STPG2: variants seen among roughly 807,000 people sequenced by gnomAD.
The protein encoded by STPG2 is sperm tail PG-rich repeat containing 2, also known as sperm-tail PG-rich repeat-containing protein 2.
STPG2 carries 56 observed loss-of-function variants against 54.2 expected under a neutral mutation model. That is an observed-to-expected ratio of 1.03 (90% confidence interval 0.83 to 1.29). STPG2 has a LOEUF of 1.29. Ranked by LOEUF, STPG2 falls within the 50% of genes most tolerant of loss-of-function variation. The pLI is 0.00. For missense variants in STPG2, 596 were observed against 544.9 expected (o/e 1.09, Z -0.93); for synonymous variants, 200 against 181.8 (o/e 1.10, Z -0.81).
chr4:97,648,635 T>G (rs932148787), intron 10 of STPG2, among the ~76,000 whole-genome samples: 3 of 152,132 alleles, frequency 2.0e-5, no homozygotes, highest in Non-Finnish European at 2.9e-5. Context: ...TTTTTAGTGA[T>G]CATGGACACA....
intron 10 of STPG2, among the ~76,000 whole-genome samples, chr4:97,689,415 C>A (rs1473319390): frequency 6.6e-6 from 1 of 152,012 alleles, no homozygotes; most frequent in African/African-American, 2.4e-5. Flanking sequence ...CTCTCTTACT[C>A]TCTCTTAACA....
chr4:97,699,843 A>AC (rs1723707215), intron 10 of STPG2, among the ~76,000 whole-genome samples: 1 of 152,126 alleles, frequency 6.6e-6, no homozygotes, highest in Non-Finnish European at 1.5e-5. Context: ...ATCAGTGGAG[A>AC]CCATGGGCAT....
At position 97,537,049 on chromosome 4, in the gene STPG2, T is replaced by G. The variant is rs78306253; in HGVS notation, c.462+175650A>C. 9.8e-4 allele frequency among the ~76,000 whole-genome samples: 149 copies of G among 152,272 alleles called. 3 individuals carry two copies. The East Asian group carries it at 0.027, about 28-fold the overall frequency. ...TTCCAGGTTTAGAATTCTCTATTAA[T>G]AAAGACCATTAGGGCAGTTCCAAGA... On this transcript the variant is annotated intron_variant, in intron 4 of 4. Transcript: ENST00000522676.
At position 97,559,030 on chromosome 4, in the gene STPG2, T is replaced by G. The variant is rs1281525201; in HGVS notation, c.*28A>C. The G allele has an allele frequency of 1.9e-6, 3 of 1,553,152 alleles. No individual in the cohort carries two copies. The highest frequency in any genetic ancestry group is 1.8e-6 in the Non-Finnish European group (2 of 1,140,984). On this transcript the variant is annotated 3_prime_UTR_variant, in exon 11 of 11. Transcript: ENST00000295268. ...AAATAAACTGACTTCCATGAAGTTG[T>G]TTTTTAAGTTTTTGCCATAAATTTA...
chr4:97,764,396 G>C (rs1273245062), intron 9 of STPG2, among the ~76,000 whole-genome samples: 2 of 152,028 alleles, frequency 1.3e-5, no homozygotes, highest in Non-Finnish European at 2.9e-5. Context: ...TTAGGTTGGG[G>C]CTATATGAAT....
intron 10 of STPG2, among the ~76,000 whole-genome samples, chr4:97,559,906 T>C (rs1166401514): frequency 1.3e-5 from 2 of 152,190 alleles, no homozygotes; most frequent in African/African-American, 4.8e-5. Context: ...ATGCAAAGCA[T>C]TTTCAATTCT....
intron 5 of STPG2, among the ~76,000 whole-genome samples, chr4:98,056,688 C>T (rs1280576430): frequency 2.0e-5 from 3 of 151,888 alleles, no homozygotes; most frequent in South Asian, 2.1e-4. Context: ...GTGTGCCCAC[C>T]CAAGTCTCAT....
At chr4:97,910,569 T>C (rs1731639888) in intron 8 of STPG2, among the ~76,000 whole-genome samples, 1 of 152,212 alleles carries the variant, frequency 6.6e-6, no homozygotes, top group Non-Finnish European at 1.5e-5. Context: ...GTCCAGGATA[T>C]ATGCTTTAAA....
intron 10 of STPG2, among the ~76,000 whole-genome samples, chr4:97,656,671 G>A (rs1174251274): frequency 1.3e-5 from 2 of 150,368 alleles, no homozygotes; most frequent in Non-Finnish European, 3.0e-5. Context: ...TAACATGCAC[G>A]TGGCATGAAA....
chr4:97,868,100 A>C (rs947856377), intron 8 of STPG2, among the ~76,000 whole-genome samples: 3 of 151,924 alleles, frequency 2.0e-5, no homozygotes, highest in African/African-American at 7.2e-5. Context: ...TTTAATTCTT[A>C]AGGTCTACTT....
intron 3 of STPG2, among the ~76,000 whole-genome samples, chr4:98,126,455 G>C (rs1739831256): frequency 6.6e-6 from 1 of 152,192 alleles, no homozygotes; most frequent in African/African-American, 2.4e-5. Context: ...TTCCTGGACA[G>C]GGTAACACAA....
chr4:97,759,073 G>A (rs1725813984), intron 9 of STPG2, among the ~76,000 whole-genome samples: 1 of 152,172 alleles, frequency 6.6e-6, no homozygotes, highest in South Asian at 2.1e-4. Flanking sequence ...AGTTATTACA[G>A]AGATGATGTC....
chr4:97,498,806 C>T (rs1216713197), intron 4 of STPG2, among the ~76,000 whole-genome samples: 1 of 151,648 alleles, frequency 6.6e-6, no homozygotes, highest in African/African-American at 2.4e-5. Flanking sequence ...AAGTCTCTCT[C>T]CCACAATATT....
intron 9 of STPG2, among the ~76,000 whole-genome samples, chr4:97,764,279 T>C (rs921975332): frequency 1.3e-5 from 2 of 152,092 alleles, no homozygotes; most frequent in Admixed American, 1.3e-4. Flanking sequence ...TTCCATCTTA[T>C]ACACTCTCAC....
At chr4:97,799,614 C>G (rs1434538413) in intron 9 of STPG2, among the ~76,000 whole-genome samples, 3 of 152,296 alleles carry the variant, frequency 2.0e-5, no homozygotes, top group South Asian at 2.1e-4. Flanking sequence ...CTGCCCTTAA[C>G]ATTTTTTCCT....
At chr4:97,571,683 T>G (rs764397942) in intron 10 of STPG2, among the ~76,000 whole-genome samples, 1 of 152,156 alleles carries the variant, frequency 6.6e-6, no homozygotes, top group African/African-American at 2.4e-5. Flanking sequence ...CAAACCAATG[T>G]ATTTCTTAAA....
At chr4:97,619,225 TTGTGTGTGTGTG>T (rs1213102594) in intron 10 of STPG2, among the ~76,000 whole-genome samples, 1 of 151,260 alleles carries the variant, frequency 6.6e-6, no homozygotes, top group African/African-American at 2.4e-5. Context: ...AATTTAAAGG[TTGTGTGTGTGTG>T]TATGTGTGTG....
At chr4:97,853,408 C>T (rs1729232478) in intron 8 of STPG2, among the ~76,000 whole-genome samples, 1 of 151,826 alleles carries the variant, frequency 6.6e-6, no homozygotes, top group Non-Finnish European at 1.5e-5. Context: ...CACATGTATC[C>T]CAGAACTGAA....
downstream of STPG2, among the ~76,000 whole-genome samples, chr4:97,555,144 G>A (rs1201839479): frequency 6.6e-6 from 1 of 152,038 alleles, no homozygotes; most frequent in Non-Finnish European, 1.5e-5. Flanking sequence ...TGCTTTTCTG[G>A]CATGCTTGTC....
Sources: allele counts gnomAD v4.1 joint callset (sites outside exome capture counted in the v4.1 genomes callset), GRCh38; gene constraint gnomAD v4.1.1; transcripts MANE v1.5; gene names NCBI Gene and HGNC (gene_info 2026-07-23, HGNC 2026-07-21).